The following ITPR1 variants were observed in gnomAD, a reference collection of about 807,000 sequenced individuals.
ITPR1 encodes inositol 1,4,5-trisphosphate receptor type 1.
ITPR1 carries 96 observed loss-of-function variants against 318.4 expected under a neutral mutation model. That is an observed-to-expected ratio of 0.30 (90% CI 0.26 to 0.36). ITPR1 has a LOEUF of 0.36. Ranked by LOEUF, ITPR1 falls within the 10% of genes least tolerant of loss-of-function variation. ITPR1 has a pLI of 1.00. For synonymous variants in ITPR1, 1,312 were observed against 1,289.9 expected (o/e 1.02, Z -0.37); for missense variants, 2,440 against 3,460.2 (o/e 0.71, Z 7.40).
At chr3:4,666,000 C>T (rs2093939046) in intron 17 of ITPR1, among the ~76,000 whole-genome samples, 1 of 152,026 alleles carries the variant, frequency 6.6e-6, no homozygotes, top group African/African-American at 2.4e-5. Flanking sequence ...TGAGGGGAGG[C>T]TAGGGATGCT....
At chr3:4,500,787 G>A (rs1459646358) in intron 2 of ITPR1, among the ~76,000 whole-genome samples, 3 of 152,072 alleles carry the variant, frequency 2.0e-5, no homozygotes, top group East Asian at 1.9e-4. Context: ...TTCTGTATCC[G>A]TGTTTTTCAA....
At chr3:4,772,348 C>T (rs924236418) in intron 46 of ITPR1, among the ~76,000 whole-genome samples, 2 of 152,212 alleles carry the variant, frequency 1.3e-5, no homozygotes, top group Non-Finnish European at 2.9e-5. Flanking sequence ...GGGCTCGTGC[C>T]CGGAGTTGCT....
At position 4,676,597 on chromosome 3, in the gene ITPR1, C is replaced by T; in HGVS notation, c.2780-17C>T. The T allele has an allele frequency of 1.9e-6, 3 of 1,610,928 alleles. No individual in the cohort carries two copies. The highest frequency in any genetic ancestry group is 2.2e-5 in the East Asian group (1 of 44,840). On this transcript the variant is annotated splice_polypyrimidine_tract_variant and intron_variant, in intron 23 of 61. Transcript: ENST00000649015. ...TCTAGAGACATTGTGACCGTGGTCT[C>T]TCCTGGCCTTTCCTAGGCAGTAACG...
intron 2 of ITPR1, among the ~76,000 whole-genome samples, chr3:4,505,563 C>A (rs1158856853): frequency 5.9e-5 from 9 of 152,186 alleles, no homozygotes; most frequent in African/African-American, 2.2e-4. Flanking sequence ...AGGACGTTGG[C>A]AAGGGCCTTT....
At chr3:4,540,815 A>C (rs944220776) in intron 4 of ITPR1, among the ~76,000 whole-genome samples, 3 of 152,166 alleles carry the variant, frequency 2.0e-5, no homozygotes, top group African/African-American at 7.2e-5. Flanking sequence ...GGCTCAAACT[A>C]TCCACCTGCC....
intron 4 of ITPR1, among the ~76,000 whole-genome samples, chr3:4,598,407 C>T (rs1575660068): frequency 6.6e-6 from 1 of 152,082 alleles, no homozygotes; most frequent in Non-Finnish European, 1.5e-5. Context: ...ATCAGTTGAG[C>T]CCAGAAGTTT....
intron 10 of ITPR1, among the ~76,000 whole-genome samples, chr3:4,650,645 G>GTGCGCA (rs1491220486): frequency 1.9e-5 from 1 of 51,744 alleles, no homozygotes; most frequent in Non-Finnish European, 4.5e-5. Context: ...GTGTGTGTGT[G>GTGCGCA]CGCGCGTCTG....
intron 52 of ITPR1, among the ~76,000 whole-genome samples, chr3:4,794,527 A>G (rs2047769966): frequency 1.3e-5 from 2 of 152,334 alleles, no homozygotes; most frequent in East Asian, 3.9e-4. Context: ...GCTTTTAGGC[A>G]CTGGCGTGTT....
At chr3:4,734,675 C>T (rs1055635120) in intron 43 of ITPR1, among the ~76,000 whole-genome samples, 3 of 152,234 alleles carry the variant, frequency 2.0e-5, no homozygotes, top group Non-Finnish European at 4.4e-5. Flanking sequence ...AGTGAGCAAA[C>T]ATTTGTTGAA....
intron 51 of ITPR1, 39 bp from the exon 52 acceptor site, chr3:4,787,908 A>G: frequency 6.9e-7 from 1 of 1,455,546 alleles, no homozygotes; most frequent in Middle Eastern, 1.7e-4. Context: ...AAAAGGTTTC[A>G]AAGATGAATA....
rs878135 is a variant in ITPR1, at chr3:4,811,050, A to C, written c.7273-215A>C. Among the ~76,000 whole-genome samples, 59,436 of 151,966 alleles carry C rather than the reference A, an allele frequency of 0.39. 12,930 individuals are homozygous for C. The highest frequency in any genetic ancestry group is 0.55 in the East Asian group (2,861 of 5,174). On this transcript the variant is annotated intron_variant, in intron 55 of 61. Transcript: ENST00000649015. ...GCTCTGGATACTACTTGAAGTTGCT[A>C]TTGTTTCCTGCTTCCTCTTCTGTGT...
At chr3:4,533,834 G>C (rs1268461679) in intron 4 of ITPR1, among the ~76,000 whole-genome samples, 6 of 152,156 alleles carry the variant, frequency 3.9e-5, no homozygotes, top group African/African-American at 1.4e-4. Context: ...CTGACGGGTC[G>C]TTTGCTCGAG....
rs558452424 is a variant in ITPR1 at position 4,579,223 on chromosome 3, C to T, written c.164-48540C>T. Among the ~76,000 whole-genome samples, 52 of 152,264 alleles carry T rather than the reference C, an allele frequency of 3.4e-4. No individual in the cohort carries two copies. In the South Asian group the frequency reaches 0.011, roughly 31 times the overall value. On this transcript the variant is annotated intron_variant, in intron 4 of 61. Coordinates refer to ENST00000649015, the MANE Select transcript of ITPR1 (RefSeq NM_001378452.1). ...AAGATGTGTCGTTGTGATGATGAAA[C>T]GATATTGTCCAGTACATGCATAGTA...
In ITPR1 at chr3:4,516,339, C is replaced by T. The variant is rs1311117996; in HGVS notation, c.-16-137C>T. On this transcript the variant is annotated intron_variant, in intron 2 of 61. Coordinates refer to ENST00000649015, the MANE Select transcript of ITPR1 (RefSeq NM_001378452.1). ...CTTACTTGGCTCATTGAATCGCCTG[C>T]CTGTCAAACTGTTATTTAAATTTGA... The T allele has an allele frequency of 5.7e-6, 3 of 528,666 alleles. No homozygotes were observed. The African/African-American group carries it at 6.0e-5, about 11-fold the overall frequency. The allele number at this position is 528,666 out of a possible 1,614,324, so 32.7% of individuals were successfully genotyped here. A position where few individuals can be genotyped will look rare whatever the true frequency, so the allele number is the denominator to read the frequency against.
rs539391683 is a variant in ITPR1, at chr3:4,793,140, ATGTT to A, written c.6809-1921_6809-1918del. Among the ~76,000 whole-genome samples, 404 of 152,376 alleles carry A rather than the reference ATGTT, an allele frequency of 2.7e-3. 3 individuals carry two copies. Among genetic ancestry groups the A allele is most frequent in the Non-Finnish European group, 4.9e-3 (334 of 68,042 alleles). ...ATACCTAGTTGATTTGAAGGACTGA[ATGTT>A]TGTCCAGATTGAAAACAACATTACA... On this transcript the variant is annotated intron_variant, in intron 52 of 61. Coordinates refer to ENST00000649015, the MANE Select transcript of ITPR1 (RefSeq NM_001378452.1).
At chr3:4,719,358 GC>G (rs2041988247) in intron 40 of ITPR1, among the ~76,000 whole-genome samples, 1 of 152,190 alleles carries the variant, frequency 6.6e-6, no homozygotes. Flanking sequence ...CAGCGGAGAT[GC>G]CTCCTTGGCC....
At chr3:4,646,065 C>T (rs1330246995) in intron 10 of ITPR1, 1 of 255,354 alleles carries the variant, frequency 3.9e-6, no homozygotes, top group Non-Finnish European at 7.7e-6. Context: ...ATAGCTTTCT[C>T]TGAGCCATCT....
At chr3:4,616,672 A>G (rs1371289385) in intron 4 of ITPR1, among the ~76,000 whole-genome samples, 1 of 152,208 alleles carries the variant, frequency 6.6e-6, no homozygotes, top group African/African-American at 2.4e-5. Flanking sequence ...AAGAGTTCAG[A>G]TTCTGAAAGA....
At chr3:4,765,148 G>C (rs982001293) in intron 44 of ITPR1, among the ~76,000 whole-genome samples, 4 of 152,174 alleles carry the variant, frequency 2.6e-5, no homozygotes, top group East Asian at 1.9e-4. Flanking sequence ...AGTGGGAGTC[G>C]TGAAGGCCTC....
Sources: gnomAD v4.1 joint callset for allele counts (sites outside exome capture counted in the v4.1 genomes callset) on GRCh38, gnomAD v4.1.1 for gene constraint, MANE v1.5 for transcripts, NCBI Gene and HGNC (gene_info 2026-07-23, HGNC 2026-07-21) for gene names.